Variants in MEF2B observed in about 807,000 individuals in gnomAD.
The protein encoded by MEF2B is myocyte enhancer factor 2B.
MEF2B carries 15 observed loss-of-function variants against 32.2 expected under a neutral mutation model. That is an observed-to-expected ratio of 0.47 (90% confidence interval 0.31 to 0.72). The LOEUF (loss-of-function observed/expected upper bound fraction) is 0.72. MEF2B is among the 30% of genes least tolerant of loss of function. The probability of loss-of-function intolerance (pLI) is 0.05; values close to 1 mark genes in which losing one functional copy is unlikely to be tolerated. For synonymous variants in MEF2B, 205 were observed against 225.6 expected, an observed-to-expected ratio of 0.91 and a Z score of 0.82; for missense variants, 441 against 511.5, an observed-to-expected ratio of 0.86 and a Z score of 1.33.
At chr19:19,147,617 C>T (rs2146352935) in intron 4 of MEF2B, 81 bp downstream of exon 4, 3 of 1,563,048 alleles carry the variant, frequency 1.9e-6, no homozygotes, top group South Asian at 2.4e-5. Flanking sequence ...GCTCTAAGCC[C>T]CTCTCTCAGT....
chr19:19,163,960 C>T (rs1299643037), intron 1 of MEF2B, among the ~76,000 whole-genome samples: 1 of 152,126 alleles, frequency 6.6e-6, no homozygotes, highest in Non-Finnish European at 1.5e-5. Context: ...TGAGCCACCA[C>T]ACCCAGCCCT....
intron 1 of MEF2B, 88 bp downstream of exon 1, chr19:19,170,117 G>A: frequency 2.5e-6 from 1 of 397,940 alleles, no homozygotes; most frequent in Middle Eastern, 6.3e-4. Flanking sequence ...GGGACGCCCA[G>A]CAGTACACCC....
intron 1 of MEF2B, among the ~76,000 whole-genome samples, chr19:19,164,246 C>T (rs1013041884): frequency 6.6e-6 from 1 of 152,258 alleles, no homozygotes; most frequent in Admixed American, 6.5e-5. Flanking sequence ...GGGATTACAG[C>T]CGTGAGCCCG....
At chr19:19,159,331 G>A (rs907462435) in intron 1 of MEF2B, among the ~76,000 whole-genome samples, 2 of 151,886 alleles carry the variant, frequency 1.3e-5, no homozygotes, top group Admixed American at 6.6e-5. Context: ...TGAGGCGGGA[G>A]GATCACGTGA....
intron 1 of MEF2B, among the ~76,000 whole-genome samples, chr19:19,166,484 T>A (rs117751357): frequency 0.025 from 3,872 of 151,988 alleles, 68 homozygotes; most frequent in Non-Finnish European, 0.039. Context: ...TGGCATCTGG[T>A]TGGGCTCATG....
chr19:19,150,267 C>T (rs1459192630), intron 2 of MEF2B, among the ~76,000 whole-genome samples: 14 of 150,678 alleles, frequency 9.3e-5, no homozygotes, highest in Non-Finnish European at 1.8e-4. Flanking sequence ...CGGTGGCTCA[C>T]GCCTGTAATC....
chr19:19,153,056 T>G (rs1382059855), intron 1 of MEF2B, among the ~76,000 whole-genome samples: 1 of 151,618 alleles, frequency 6.6e-6, no homozygotes, highest in Non-Finnish European at 1.5e-5. Flanking sequence ...CCCTGGGGGG[T>G]GGACGGGGGC....
intron 1 of MEF2B, among the ~76,000 whole-genome samples, chr19:19,153,732 C>T (rs1030845564): frequency 6.6e-6 from 1 of 152,016 alleles, no homozygotes; most frequent in Admixed American, 6.6e-5. Flanking sequence ...GCTGAGATTA[C>T]AGGCGTGAGC....
chr19:19,168,984 A>G (rs12975290), intron 1 of MEF2B, among the ~76,000 whole-genome samples: 74,949 of 151,780 alleles, frequency 0.49, 18,722 homozygotes, highest in East Asian at 0.57. Flanking sequence ...CCTGGGAGGC[A>G]GAGGTTGCAG....
chr19:19,169,276 C>T (rs958076545), intron 1 of MEF2B, among the ~76,000 whole-genome samples: 1 of 151,864 alleles, frequency 6.6e-6, no homozygotes, highest in African/African-American at 2.4e-5. Context: ...ATTGTTTGAG[C>T]CTGGGAGCTG....
At position 19,149,330 on chromosome 19, in the gene MEF2B, T is replaced by C; in HGVS notation, c.154A>G (p.Asn52Asp). ...EIALIIFNSA[N>D]RLFQYASTDM... ...GTGCTGGCATACTGGAAGAGGCGGTTGGCGCTGTTGAAGATGATGAGGGCT... is the reference window on the plus strand; with the variant it reads ...GTGCTGGCATACTGGAAGAGGCGGTCGGCGCTGTTGAAGATGATGAGGGCT... Residue 52 changes from asparagine to aspartate, a missense_variant, in exon 3 of 9, where the codon AAC becomes GAC. Physicochemically the swap from Asn to Asp is conservative, Grantham distance 23. Coordinates refer to ENST00000424583, the MANE Select transcript of MEF2B (RefSeq NM_001145785.2). 6.2e-7 allele frequency: 1 copy of C among 1,613,934 alleles called. No individual in the cohort carries two copies. Among genetic ancestry groups the C allele is most frequent in the Admixed American group, 1.7e-5 (1 of 59,972 alleles).
At chr19:19,166,811 C>T (rs560727049) in intron 1 of MEF2B, among the ~76,000 whole-genome samples, 28 of 152,246 alleles carry the variant, frequency 1.8e-4, no homozygotes, top group Middle Eastern at 3.4e-3. Flanking sequence ...TGCCTCTAAT[C>T]CCAGCACTTT....
intron 1 of MEF2B, among the ~76,000 whole-genome samples, chr19:19,161,670 T>C (rs1444650138): frequency 1.3e-5 from 2 of 151,366 alleles, no homozygotes; most frequent in African/African-American, 2.4e-5. Context: ...CCCTGAACAA[T>C]GTGGAGACCC....
intron 1 of MEF2B, among the ~76,000 whole-genome samples, chr19:19,163,377 T>C (rs1467382727): frequency 4.6e-5 from 7 of 152,080 alleles, no homozygotes; most frequent in Admixed American, 4.6e-4. Flanking sequence ...CTCAAACTCC[T>C]GGTCTCAAGT....
intron 1 of MEF2B, among the ~76,000 whole-genome samples, chr19:19,167,851 T>G (rs889457250): frequency 6.6e-6 from 1 of 152,134 alleles, no homozygotes; most frequent in African/African-American, 2.4e-5. Context: ...TCTGTTCTCT[T>G]GGGGGACTGA....
At chr19:19,170,116 A>C (rs554214851) in intron 1 of MEF2B, 89 bp downstream of exon 1, 1 of 397,820 alleles carries the variant, frequency 2.5e-6, no homozygotes, top group Admixed American at 4.4e-5. Context: ...TGGGACGCCC[A>C]GCAGTACACC....
At chr19:19,147,539 C>T (rs1189973786) in intron 4 of MEF2B, among the ~76,000 whole-genome samples, 159 bp downstream of exon 4, 2 of 152,186 alleles carry the variant, frequency 1.3e-5, no homozygotes, top group African/African-American at 4.8e-5. Flanking sequence ...AGCTACAGTG[C>T]CCACTTCTCA....
chr19:19,161,841 T>C (rs2060166478), intron 1 of MEF2B, among the ~76,000 whole-genome samples: 1 of 150,712 alleles, frequency 6.6e-6, no homozygotes, highest in African/African-American at 2.4e-5. Context: ...AGAGTCTCAC[T>C]TTGTCACCCA....
intron 2 of MEF2B, among the ~76,000 whole-genome samples, chr19:19,149,671 C>A (rs2060056570): frequency 6.6e-6 from 1 of 152,134 alleles, no homozygotes; most frequent in Admixed American, 6.6e-5. Context: ...CTGGGCTTTC[C>A]CAGTTCTGGG....
Sources: allele counts gnomAD v4.1 joint callset (sites outside exome capture counted in the v4.1 genomes callset), GRCh38; gene constraint gnomAD v4.1.1; transcripts MANE v1.5; gene names NCBI Gene and HGNC (gene_info 2026-07-23, HGNC 2026-07-21).